CYRIB: variants seen among roughly 807,000 people sequenced by gnomAD.
CYRIB encodes the protein CYFIP-related Rac1 interactor B.
A neutral mutation model predicts 44.2 loss-of-function variants in CYRIB; 8 were observed. That is an observed-to-expected ratio of 0.18 (90% CI 0.11 to 0.33). The LOEUF (loss-of-function observed/expected upper bound fraction) is 0.33. Ranked by LOEUF, CYRIB falls within the 10% of genes least tolerant of loss-of-function variation. The pLI, the probability that CYRIB is intolerant of heterozygous loss-of-function variation, is 1.00. For synonymous variants in CYRIB, 131 were observed against 127.2 expected, an observed-to-expected ratio of 1.03 and a Z score of -0.20; for missense variants, 185 against 382.8, an observed-to-expected ratio of 0.48 and a Z score of 4.31.
chr8:129,919,807 A>G (rs1380069184), intron 1 of CYRIB, among the ~76,000 whole-genome samples: 1 of 152,188 alleles, frequency 6.6e-6, no homozygotes, highest in Non-Finnish European at 1.5e-5. Flanking sequence ...ATTGTTAACA[A>G]TGGGGTAACA....
chr8:129,990,336 T>C (rs1489704886), intron 1 of CYRIB, among the ~76,000 whole-genome samples: 1 of 152,200 alleles, frequency 6.6e-6, no homozygotes, highest in Non-Finnish European at 1.5e-5. Context: ...TATGCATGCT[T>C]TATATATCTA....
At chr8:129,877,910 T>A (rs965494269) in intron 3 of CYRIB, among the ~76,000 whole-genome samples, 1 of 152,028 alleles carries the variant, frequency 6.6e-6, no homozygotes, top group Non-Finnish European at 1.5e-5. Context: ...GGAGACAGAA[T>A]AGCAGAAAAA....
chr8:129,854,889 T>C (rs2045356188), intron 6 of CYRIB, among the ~76,000 whole-genome samples: 1 of 152,208 alleles, frequency 6.6e-6, no homozygotes, highest in Non-Finnish European at 1.5e-5. Flanking sequence ...GACCTAGTGC[T>C]TATTCCTTTA....
In CYRIB at chr8:130,006,511, G is replaced by T. The variant is rs1309072274; in HGVS notation, c.-296+9859C>A. 8.8e-5 allele frequency among the ~76,000 whole-genome samples: 12 copies of T among 135,880 alleles called. No homozygotes were observed. In the South Asian group the frequency reaches 2.8e-3, roughly 32 times the overall value. The allele number at this position is 135,880 out of a possible 152,430, so 89.1% of individuals were successfully genotyped here. A position where few individuals can be genotyped will look rare whatever the true frequency, so the allele number is the denominator to read the frequency against. On this transcript the variant is annotated intron_variant, in intron 1 of 14. Coordinates refer to the CYRIB transcript ENST00000401979. ...TATATATTTATTTATTTGGGAGGCCGAGGCAGGTGGATCACCTGAGGTCAG... is the reference window on the plus strand; with the variant it reads ...TATATATTTATTTATTTGGGAGGCCTAGGCAGGTGGATCACCTGAGGTCAG...
At chr8:129,977,869 G>C (rs1258263956) in intron 1 of CYRIB, among the ~76,000 whole-genome samples, 1 of 152,124 alleles carries the variant, frequency 6.6e-6, no homozygotes, top group African/African-American at 2.4e-5. Flanking sequence ...AGCACCTTGA[G>C]GGTGGACATC....
chr8:129,998,547 A>T (rs1340111252), intron 1 of CYRIB, among the ~76,000 whole-genome samples: 3 of 152,242 alleles, frequency 2.0e-5, no homozygotes, highest in Non-Finnish European at 4.4e-5. Flanking sequence ...GCCTTTGATT[A>T]AGCACTGCTG....
intron 2 of CYRIB, among the ~76,000 whole-genome samples, chr8:129,902,592 C>T (rs2072838774): frequency 6.6e-6 from 1 of 152,158 alleles, no homozygotes; most frequent in Admixed American, 6.5e-5. Flanking sequence ...TCTTGGCTCA[C>T]TGCGGCCTGG....
intron 1 of CYRIB, among the ~76,000 whole-genome samples, chr8:129,997,966 C>T (rs1259164855): frequency 1.3e-5 from 2 of 151,770 alleles, no homozygotes; most frequent in African/African-American, 4.8e-5. Flanking sequence ...AATAAAAATA[C>T]AAAAATTAGC....
In CYRIB at chr8:130,014,534, G is replaced by A. The variant is rs182776539; in HGVS notation, c.-296+1836C>T. Among the ~76,000 whole-genome samples the A allele has an allele frequency of 2.6e-3, 402 of 152,290 alleles. 1 individual carries two copies. The highest frequency in any genetic ancestry group is 9.3e-3 in the African/African-American group (387 of 41,560). ...AAAAATAATAGTAGCACTTACGGGG[G>A]TCGGGAGTTGGGGGACCCACATAGC... On this transcript the variant is annotated intron_variant, in intron 1 of 14. Coordinates refer to the CYRIB transcript ENST00000401979.
intron 1 of CYRIB, among the ~76,000 whole-genome samples, chr8:129,972,434 G>A (rs1327649720): frequency 1.3e-5 from 2 of 151,934 alleles, no homozygotes; most frequent in Non-Finnish European, 2.9e-5. Flanking sequence ...AAAATTAGCT[G>A]AGCGTGGTGG....
chr8:129,919,588 A>T (rs1310096274), intron 1 of CYRIB, among the ~76,000 whole-genome samples: 2 of 152,222 alleles, frequency 1.3e-5, no homozygotes, highest in African/African-American at 2.4e-5. Context: ...TTATGTCTAG[A>T]GGAGAATGTC....
At chr8:129,954,981 C>T (rs905418769) in intron 2 of CYRIB, among the ~76,000 whole-genome samples, 5 of 152,138 alleles carry the variant, frequency 3.3e-5, no homozygotes, top group East Asian at 1.9e-4. Flanking sequence ...TGGCCGGACG[C>T]GGTGGCTGAC....
intron 5 of CYRIB, among the ~76,000 whole-genome samples, chr8:129,859,173 CA>C: frequency 6.6e-6 from 1 of 152,282 alleles, no homozygotes; most frequent in African/African-American, 2.4e-5. Context: ...GTCCACTGGA[CA>C]GGGGGCCCTT....
chr8:130,003,282 CT>C (rs1250543193), intron 1 of CYRIB, among the ~76,000 whole-genome samples: 1 of 152,156 alleles, frequency 6.6e-6, no homozygotes, highest in Non-Finnish European at 1.5e-5. Context: ...ATATTTTTTA[CT>C]GTTTTTCTTA....
At chr8:129,922,469 G>C (rs946338086) in intron 1 of CYRIB, among the ~76,000 whole-genome samples, 3 of 152,008 alleles carry the variant, frequency 2.0e-5, no homozygotes, top group African/African-American at 7.2e-5. Flanking sequence ...GAGGTCCCAG[G>C]ATAATTAAAA....
At chr8:130,011,541 G>A (rs983160934) in intron 1 of CYRIB, among the ~76,000 whole-genome samples, 2 of 151,544 alleles carry the variant, frequency 1.3e-5, no homozygotes, top group Admixed American at 1.3e-4. Context: ...AATTAGGCTG[G>A]GCATGGTGGC....
intron 1 of CYRIB, among the ~76,000 whole-genome samples, chr8:129,996,390 C>T (rs777209916): frequency 1.3e-5 from 2 of 152,172 alleles, no homozygotes; most frequent in Non-Finnish European, 2.9e-5. Flanking sequence ...ACTCATCCAC[C>T]CCATCCACCA....
In CYRIB at chr8:129,948,039, G is replaced by A. The variant is rs535787169; in HGVS notation, c.-243+22904C>T. On this transcript the variant is annotated intron_variant, in intron 2 of 14. Transcript: ENST00000401979. ...CCCTCTGTGTTTGTATTGCTTTAGA[G>A]CTGTATTTCTACAGAACTGTATTCC... The A allele has an allele frequency of 5.1e-4, 77 of 152,286 alleles. 1 individual carries two copies. Among genetic ancestry groups the A allele is most frequent in the African/African-American group, 1.8e-3 (76 of 41,552 alleles). 9.4% of individuals were successfully genotyped at this position (152,286 alleles called of 1,614,324 possible). A position where few individuals can be genotyped will look rare whatever the true frequency, so the allele number is the denominator to read the frequency against.
chr8:129,970,862 T>C (rs983161639), intron 2 of CYRIB, 81 bp downstream of exon 2: 12 of 152,166 alleles, frequency 7.9e-5, no homozygotes, highest in Non-Finnish European at 1.5e-4. Context: ...TCCACTTTAA[T>C]TTTTCCTCAT....
Sources: gnomAD v4.1 joint callset for allele counts (sites outside exome capture counted in the v4.1 genomes callset) on GRCh38, gnomAD v4.1.1 for gene constraint, MANE v1.5 for transcripts, NCBI Gene and HGNC (gene_info 2026-07-23, HGNC 2026-07-21) for gene names.